The following CDH7 variants were observed in gnomAD, a reference collection of about 807,000 sequenced individuals.
The protein encoded by CDH7 is cadherin 7.
CDH7 carries 25 observed loss-of-function variants against 71.8 expected under a neutral mutation model. That is an observed-to-expected ratio of 0.35 (90% confidence interval 0.25 to 0.49). CDH7 has a LOEUF of 0.49. CDH7 is among the 20% of genes least tolerant of loss of function. CDH7 has a pLI of 0.99. For synonymous variants in CDH7, 381 were observed against 363.8 expected, an observed-to-expected ratio of 1.05 and a Z score of -0.54; for missense variants, 862 against 974.6, an observed-to-expected ratio of 0.88 and a Z score of 1.54.
At chr18:65,856,271 A>G (rs1008063129) in intron 7 of CDH7, among the ~76,000 whole-genome samples, 6 of 152,098 alleles carry the variant, frequency 3.9e-5, no homozygotes, top group Non-Finnish European at 8.8e-5. Flanking sequence ...ACAAAATAAG[A>G]TATATTATTA....
chr18:65,774,932 A>G (rs1000963843), intron 2 of CDH7, among the ~76,000 whole-genome samples: 5 of 152,136 alleles, frequency 3.3e-5, no homozygotes, highest in Non-Finnish European at 7.4e-5. Context: ...GGAATGTTCA[A>G]TGTATGATCC....
chr18:65,863,448 A>G (rs1913650253), intron 11 of CDH7: 1 of 161,990 alleles, frequency 6.2e-6, no homozygotes, highest in African/African-American at 2.4e-5. Context: ...TCAAAGCAAC[A>G]GTGAAGATAA....
chr18:65,767,481 A>T (rs1022708520), intron 2 of CDH7, among the ~76,000 whole-genome samples: 10 of 152,230 alleles, frequency 6.6e-5, no homozygotes, highest in African/African-American at 2.2e-4. Context: ...GAGCATAGTC[A>T]TCATAGCAAA....
chr18:65,822,713 A>G (rs983466446), intron 5 of CDH7, among the ~76,000 whole-genome samples: 2 of 152,038 alleles, frequency 1.3e-5, no homozygotes, highest in African/African-American at 4.8e-5. Context: ...ACACTTTTTA[A>G]AGCCAGTTTA....
In CDH7 at chr18:65,862,789, C is replaced by G. The variant is rs1913617914; in HGVS notation, c.1736C>G (p.Thr579Ser). Residue 579 changes from threonine to serine, a missense_variant, in exon 11 of 12, where the codon ACC becomes AGC. Coordinates refer to ENST00000397968, the MANE Select transcript of CDH7 (RefSeq NM_004361.5). ...SPSLSSTNTL[T>S]IRVCDCDADG... ...TCACTTAGCAGCACCAACACCCTCA[C>G]CATCCGCGTGTGTGACTGTGATGCT... 2 of 1,614,056 alleles carry G rather than the reference C, an allele frequency of 1.2e-6. No individual in the cohort carries two copies. Among genetic ancestry groups the G allele is most frequent in the Non-Finnish European group, 1.7e-6 (2 of 1,180,022 alleles).
rs2144088797 is a variant in CDH7 at position 65,889,449 on chromosome 18, A to G, written c.*8555A>G. ...GTCATTTGAGGCCAGTTTCACCCCT[A>G]CCTCCCATAAATCATTTTAAACCAA... On this transcript the variant is annotated 3_prime_UTR_variant, in exon 12 of 12. Transcript: ENST00000397968. The G allele has an allele frequency of 6.6e-6, 1 of 152,212 alleles. No individual in the cohort carries two copies. The highest frequency in any genetic ancestry group is 2.1e-4 in the South Asian group (1 of 4,822). The allele number at this position is 152,212 out of a possible 1,614,324, so 9.4% of individuals were successfully genotyped here. A position where few individuals can be genotyped will look rare whatever the true frequency, so the allele number is the denominator to read the frequency against.
intron 6 of CDH7, among the ~76,000 whole-genome samples, chr18:65,830,564 C>T (rs1276049371): frequency 1.3e-5 from 2 of 149,388 alleles, no homozygotes; most frequent in Non-Finnish European, 3.0e-5. Flanking sequence ...TTTCCTTCCT[C>T]TCTCTCTCCT....
intron 7 of CDH7, among the ~76,000 whole-genome samples, chr18:65,853,916 T>TATATATATATATCC (rs1913239141): frequency 1.7e-5 from 1 of 59,948 alleles, no homozygotes; most frequent in African/African-American, 1.0e-4. Context: ...CATATATATA[T>TATATATATATATCC]ATATATATAT....
intron 2 of CDH7, among the ~76,000 whole-genome samples, chr18:65,765,132 G>A (rs899642795): frequency 2.0e-5 from 3 of 151,874 alleles, no homozygotes; most frequent in South Asian, 2.1e-4. Context: ...GTTCAATATC[G>A]CCTTTCATAG....
At chr18:65,841,954 A>G (rs1912748974) in intron 6 of CDH7, among the ~76,000 whole-genome samples, 2 of 152,202 alleles carry the variant, frequency 1.3e-5, no homozygotes, top group African/African-American at 4.8e-5. Context: ...TTGTCATGGC[A>G]GTATTTTCTA....
intron 1 of CDH7, among the ~76,000 whole-genome samples, chr18:65,761,201 C>T (rs1018910769): frequency 2.0e-5 from 3 of 152,066 alleles, no homozygotes; most frequent in African/African-American, 7.2e-5. Context: ...AATATCAAAA[C>T]TTTATAGATA....
intron 2 of CDH7, among the ~76,000 whole-genome samples, chr18:65,804,968 G>A (rs2143893622): frequency 6.6e-6 from 1 of 152,006 alleles, no homozygotes; most frequent in Non-Finnish European, 1.5e-5. Flanking sequence ...TTTTTGTTTT[G>A]TTTTATTTTT....
chr18:65,880,160 G>T (rs1914178666), intron 11 of CDH7, among the ~76,000 whole-genome samples: 1 of 152,154 alleles, frequency 6.6e-6, no homozygotes, highest in Non-Finnish European at 1.5e-5. Flanking sequence ...TAAAGAGGAA[G>T]ACATCAGTTC....
intron 2 of CDH7, among the ~76,000 whole-genome samples, chr18:65,801,936 T>A (rs540098127): frequency 3.5e-4 from 54 of 152,330 alleles, no homozygotes; most frequent in African/African-American, 1.3e-3. Context: ...AAACACCTTA[T>A]GCTATTGGTG....
intron 5 of CDH7, among the ~76,000 whole-genome samples, chr18:65,822,874 A>G (rs1198969865): frequency 6.6e-6 from 1 of 150,440 alleles, no homozygotes; most frequent in African/African-American, 2.4e-5. Flanking sequence ...AAGAAAAAAG[A>G]AAAAAAAAAT....
rs1568182063 is a variant in CDH7, at chr18:65,781,974, CTCTCTCTCTCTCTT to C, written c.210+18930_210+18943del. On this transcript the variant is annotated intron_variant, in intron 2 of 11. Transcript: ENST00000397968. ...TCTCTTTCTCTCTTTCTCTCTCTCT[CTCTCTCTCTCTCTT>C]TCTCTCTTTCTCTCTTTCTCTCTTT... is the stretch of plus-strand genomic sequence containing the variant. 9.5e-4 allele frequency among the ~76,000 whole-genome samples: 98 copies of C among 102,664 alleles called. 10 individuals carry two copies. Among genetic ancestry groups the C allele is most frequent in the Non-Finnish European group, 1.4e-3 (77 of 54,858 alleles). 67.4% of individuals were successfully genotyped at this position (102,664 alleles called of 152,430 possible). A position where few individuals can be genotyped will look rare whatever the true frequency, so the allele number is the denominator to read the frequency against.
At chr18:65,852,048 T>G (rs371521706) in intron 7 of CDH7, among the ~76,000 whole-genome samples, 9 of 152,282 alleles carry the variant, frequency 5.9e-5, no homozygotes, top group African/African-American at 2.2e-4. Context: ...GAATACAGAA[T>G]GACCAACATG....
chr18:65,863,264 C>G (rs1219836653), intron 11 of CDH7: 2 of 263,774 alleles, frequency 7.6e-6, no homozygotes, highest in Non-Finnish European at 1.5e-5. Context: ...TCTTGAACTC[C>G]TGACCTCAGG....
chr18:65,861,361 G>GTGTGTC (rs1199923902), intron 10 of CDH7, among the ~76,000 whole-genome samples: 3 of 151,088 alleles, frequency 2.0e-5, no homozygotes, highest in Non-Finnish European at 4.4e-5. Flanking sequence ...GTGTGTGTGT[G>GTGTGTC]ATTTTGGTAT....
Sources: gnomAD v4.1 joint callset for allele counts (sites outside exome capture counted in the v4.1 genomes callset) on GRCh38, gnomAD v4.1.1 for gene constraint, MANE v1.5 for transcripts, NCBI Gene and HGNC (gene_info 2026-07-23, HGNC 2026-07-21) for gene names.